Variants in SPTBN2 observed in about 807,000 individuals in gnomAD.
SPTBN2 encodes spectrin beta, non-erythrocytic 2, also known as spectrin beta chain, non-erythrocytic 2.
A neutral mutation model predicts 284.2 loss-of-function variants in SPTBN2; 107 were observed. That is an observed-to-expected ratio of 0.38 (90% CI 0.32 to 0.44). The LOEUF (loss-of-function observed/expected upper bound fraction) is 0.44. SPTBN2 is among the 20% of genes least tolerant of loss of function. The pLI is 1.00. For synonymous variants in SPTBN2, 1,289 were observed against 1,354.8 expected (o/e 0.95, Z 1.07); for missense variants, 2,569 against 3,287.1 (o/e 0.78, Z 5.34).
At chr11:66,741,669 T>G (rs1244030731) in intron 1 of SPTBN2, among the ~76,000 whole-genome samples, 1 of 152,208 alleles carries the variant, frequency 6.6e-6, no homozygotes, top group Non-Finnish European at 1.5e-5. Context: ...TTGGCCTAGT[T>G]AACTAAGGTG....
In SPTBN2 at chr11:66,685,705, C is replaced by G; in HGVS notation, c.*166G>C. ...TAAACAGCAGAAGAGAAGGGCTGCC[C>G]TTGGGAACATGGACTCGTCCCCAGT... is the stretch of plus-strand genomic sequence containing the variant. On this transcript the variant is annotated 3_prime_UTR_variant, in exon 38 of 38. Transcript: ENST00000533211. This position sits in a 1 kb window ranked among gnomAD's most constrained non-coding sequence, Gnocchi z 4.4. The G allele has an allele frequency of 1.5e-6, 1 of 683,194 alleles. No individual in the cohort carries two copies. The allele number at this position is 683,194 out of a possible 1,614,324, so 42.3% of individuals were successfully genotyped here. A position where few individuals can be genotyped will look rare whatever the true frequency, so the allele number is the denominator to read the frequency against.
In SPTBN2 at chr11:66,694,195, G is replaced by A. The variant is rs115062978; in HGVS notation, c.4447C>T (p.Arg1483Cys). ...TGCTGCTCGCGAGAAGCCTGCAGGC[G>A]CCGGCAGCGTTCCCGCATGGGCTGG... ...LCQPMRERCR[R>C]LQASREQHQF... The change falls in exon 22 of 38, where the codon CGC becomes TGC. Residue 1483 changes from arginine (R) to cysteine (C), a missense_variant. Coordinates refer to ENST00000533211, the MANE Select transcript of SPTBN2 (RefSeq NM_006946.4). The A allele has an allele frequency of 7.7e-4, 1,249 of 1,613,238 alleles. 13 individuals carry two copies. In the African/African-American group the frequency reaches 0.014, roughly 18 times the overall value.
chr11:66,728,164 G>C (rs1010048983), intron 1 of SPTBN2: 8 of 146,300 alleles, frequency 5.5e-5, no homozygotes, highest in Admixed American at 5.4e-4. Flanking sequence ...CACCTACCTC[G>C]GCGCGGAGCC....
Position 66,700,703 on chromosome 11 carries a change from G to C in SPTBN2, c.3396C>G (p.Thr1132=). Reference sequence around the variant, plus strand: ...GGCACTGGGGGTCAGCCTGGTCCCGGGTCACCTCCTCGCCCAGGGCTCGCA... The same window carrying C: ...GGCACTGGGGGTCAGCCTGGTCCCGCGTCACCTCCTCGCCCAGGGCTCGCA... ...SRLRALGEEV[T]RDQADPQCLF... The change falls in exon 17 of 38, where the codon ACC becomes ACG. Residue 1132 remains threonine, a synonymous_variant. Transcript: ENST00000533211. This position sits in a 1 kb window ranked among gnomAD's most constrained non-coding sequence, Gnocchi z 6.6. 2 of 1,605,312 alleles carry C rather than the reference G, an allele frequency of 1.2e-6. No individual in the cohort carries two copies. The highest frequency in any genetic ancestry group is 4.5e-5 in the East Asian group (2 of 44,866).
At position 66,687,174 on chromosome 11, in the gene SPTBN2, G is replaced by A. The variant is rs1404634240; in HGVS notation, c.6723-7C>T. On this transcript the variant is annotated splice_polypyrimidine_tract_variant and splice_region_variant and intron_variant, in intron 35 of 37. Coordinates refer to ENST00000533211, the MANE Select transcript of SPTBN2 (RefSeq NM_006946.4). This position sits in a 1 kb window ranked among gnomAD's most constrained non-coding sequence, Gnocchi z 5.2. ...GTACACGTTCTGCCAGGACCTGCGA[G>A]GGACGCGGTGCTGACTGGCCGGCCT... 1 of 1,613,520 alleles carries A rather than the reference G, an allele frequency of 6.2e-7. No homozygotes were observed. Among genetic ancestry groups the A allele is most frequent in the Non-Finnish European group, 8.5e-7 (1 of 1,180,020 alleles).
chr11:66,686,488 C>T, intron 36 of SPTBN2, 48 bp from the exon 37 acceptor site: 2 of 1,606,638 alleles, frequency 1.2e-6, no homozygotes, highest in Non-Finnish European at 1.7e-6. Context: ...TCCGGATCTG[C>T]CAGGTAGCTG....
chr11:66,716,243 G>T (rs1209287617), intron 3 of SPTBN2, among the ~76,000 whole-genome samples: 1 of 152,172 alleles, frequency 6.6e-6, no homozygotes, highest in African/African-American at 2.4e-5. Context: ...CAGCACTTTG[G>T]GAAGCCAAGG....
Position 66,689,895 on chromosome 11 carries a change from C to G in SPTBN2, c.5859G>C (p.Lys1953Asn). Residue 1953 changes from lysine (K) to asparagine (N), a missense_variant, in exon 29 of 38, where the codon AAG becomes AAC. Physicochemically the swap from Lys to Asn is moderately conservative, Grantham distance 94. Around this residue, in one of 6 missense-constraint regions of SPTBN2, gnomAD observed 1,130 missense variants for 1,317.3 expected, o/e 0.86. Coordinates refer to ENST00000533211, the MANE Select transcript of SPTBN2 (RefSeq NM_006946.4). ...GGTCTGCCCGGGCCTCTATCTCTGC[C>G]TTGATGCCTTGCTGGTTCTTGATGA... The part of the protein sequence containing the change: ...DLVIKNQQGI[K>N]AEIEARADRF... 6.2e-7 allele frequency: 1 copy of G among 1,614,194 alleles called. No individual in the cohort carries two copies. The highest frequency in any genetic ancestry group is 1.3e-5 in the African/African-American group (1 of 75,020).
chr11:66,704,106 G>A (rs1382348093), intron 15 of SPTBN2, among the ~76,000 whole-genome samples: 6 of 151,634 alleles, frequency 4.0e-5, no homozygotes, highest in Middle Eastern at 3.4e-3. Context: ...CCGAGTAGCT[G>A]GGACTACAGG....
chr11:66,707,814 T>G lies in SPTBN2; in HGVS notation c.1355A>C (p.Asn452Thr). The change falls in exon 13 of 38, where the codon AAC (asparagine) becomes ACC (threonine). Residue 452 changes from asparagine (N) to threonine (T), a missense_variant. By Grantham distance (65) the Asn-to-Thr change is moderately conservative. Around this residue, in one of 6 missense-constraint regions of SPTBN2, gnomAD observed 1,012 missense variants for 1,248.9 expected, o/e 0.81. Transcript: ENST00000533211. This position sits in a 1 kb window ranked among gnomAD's most constrained non-coding sequence, Gnocchi z 4.9. ...GACAGCTGCCAGCTCCAGCCCAAAG[T>G]TGTCCTGTGTCGGGGGCAGGGAGAG... ...SENQRLVSQD[N>T]FGLELAAVEA... is the part of the protein sequence containing the mutation. The G allele has an allele frequency of 6.2e-7, 1 of 1,608,820 alleles. No individual in the cohort carries two copies. Among genetic ancestry groups the G allele is most frequent in the Non-Finnish European group, 8.5e-7 (1 of 1,179,902 alleles).
rs918352018 is a variant in SPTBN2 at position 66,715,543 on chromosome 11, G to C, written c.310-148C>G. 2 of 1,157,036 alleles carry C rather than the reference G, an allele frequency of 1.7e-6. No homozygotes were observed. Among genetic ancestry groups the C allele is most frequent in the Admixed American group, 2.6e-5 (1 of 38,172 alleles). The allele number at this position is 1,157,036 out of a possible 1,614,324, so 71.7% of individuals were successfully genotyped here. On this transcript the variant is annotated intron_variant, in intron 4 of 37. Transcript: ENST00000533211. The surrounding 1 kb of genome is among the most constrained non-coding windows in gnomAD (Gnocchi z 5.3). ...GCCCCAGGGCTGGAGCCAAAGCTGA[G>C]CTTACAGATGAGGCTTGGGCAGATT...
At chr11:66,686,244 CA>C in intron 37 of SPTBN2, 140 bp from the exon 38 acceptor site, 1 of 1,387,156 alleles carries the variant, frequency 7.2e-7, no homozygotes. Context: ...CCGGCTTAGA[CA>C]GGGAGTGCGG....
upstream of SPTBN2, among the ~76,000 whole-genome samples, chr11:66,732,651 CAAAAA>C (rs58620927): frequency 2.6e-5 from 2 of 75,836 alleles, no homozygotes; most frequent in Admixed American, 1.5e-4. Context: ...CTCTGTCTCT[CAAAAA>C]AAAAAAAAAA....
At chr11:66,701,435 T>C (rs1941241717) in intron 16 of SPTBN2, 149 bp downstream of exon 16, 3 of 1,518,534 alleles carry the variant, frequency 2.0e-6, no homozygotes, top group African/African-American at 1.4e-5. Context: ...CTCATCTCTT[T>C]CATCCTTTTT....
chr11:66,720,345 G>A (rs903521306), intron 3 of SPTBN2, among the ~76,000 whole-genome samples: 8 of 152,216 alleles, frequency 5.3e-5, no homozygotes, highest in South Asian at 2.1e-4. Flanking sequence ...GGGGTAGGTG[G>A]CCTTGGGGTG....
intron 1 of SPTBN2, chr11:66,727,890 C>T (rs1321287197): frequency 1.3e-5 from 2 of 150,402 alleles, no homozygotes; most frequent in Admixed American, 6.6e-5. Flanking sequence ...GCGAACGTGT[C>T]CGTCAGCCCT....
chr11:66,705,384 G>A lies in SPTBN2; in HGVS notation c.1892C>T (p.Ala631Val), dbSNP rs143795261. The change falls in exon 15 of 38, where the codon GCG (alanine) becomes GTG (valine). Residue 631 changes from alanine (A) to valine (V), a missense_variant. Physicochemically the swap from Ala to Val is moderately conservative, Grantham distance 64. Around this residue, in one of 6 missense-constraint regions of SPTBN2, gnomAD observed 1,012 missense variants for 1,248.9 expected, o/e 0.81. Transcript: ENST00000533211. ...TTCCTCCAGCCGGGCCCGCCGCGCC[G>A]CTGCCAACTCGCACAGTGCCTCATA... ...QSYEALCELA[A>V]ARRARLEESR... 1.7e-5 allele frequency: 27 copies of A among 1,612,734 alleles called. No individual in the cohort carries two copies. The highest frequency in any genetic ancestry group is 1.5e-4 in the African/African-American group (11 of 75,044).
At position 66,696,312 on chromosome 11, in the gene SPTBN2, G is replaced by A. The variant is rs1456030643; in HGVS notation, c.4243C>T (p.Leu1415Phe). The A allele has an allele frequency of 1.2e-6, 2 of 1,612,988 alleles. No individual in the cohort carries two copies. Among genetic ancestry groups the A allele is most frequent in the Admixed American group, 1.7e-5 (1 of 60,032 alleles). Residue 1415 changes from leucine (L) to phenylalanine (F), a missense_variant, in exon 21 of 38, where the codon CTC (leucine) becomes TTC (phenylalanine). Leu to Phe is a conservative substitution (Grantham distance 22). This residue lies in a region of SPTBN2 where 49 missense variants were observed against 92.6 expected (regional missense o/e 0.53). Transcript: ENST00000533211. ...QLHSDDYGKD[L>F]TSVNILLKKQ... is the part of the protein sequence containing the mutation. ...TTGAGCAGGATGTTGACGCTGGTGAGGTCCTTGCCGTAGTCATCCGAGTGC... is the reference window on the plus strand; with the variant it reads ...TTGAGCAGGATGTTGACGCTGGTGAAGTCCTTGCCGTAGTCATCCGAGTGC...
In SPTBN2 at chr11:66,693,213, T is replaced by G; in HGVS notation, c.4827A>C (p.Leu1609Phe). Residue 1609 changes from leucine (L) to phenylalanine (F), a missense_variant, in exon 24 of 38, where the codon TTA becomes TTC. Physicochemically the swap from Leu to Phe is conservative, Grantham distance 22. Transcript: ENST00000533211. The surrounding 1 kb of genome is among the most constrained non-coding windows in gnomAD (Gnocchi z 5.7). ...TGGCCTTCTCCTGGCCCATCATGTG[T>G]AATTCCTGCTCGCCCATCCAGGCCT... ...EAEAWMGEQE[L>F]HMMGQEKAKD... 6.2e-7 allele frequency: 1 copy of G among 1,614,240 alleles called. No individual in the cohort carries two copies.
Sources: gnomAD v4.1 joint callset for allele counts (sites outside exome capture counted in the v4.1 genomes callset) on GRCh38, gnomAD v4.1.1 for gene constraint, gnomAD v4.1.1 regional missense constraint, Gnocchi (gnomAD v3.1) non-coding constraint, MANE v1.5 for transcripts, NCBI Gene and HGNC (gene_info 2026-07-23, HGNC 2026-07-21) for gene names.